SPTBN4: variants seen among roughly 807,000 people sequenced by gnomAD.
The protein encoded by SPTBN4 is spectrin beta, non-erythrocytic 4.
SPTBN4 carries 96 observed loss-of-function variants against 277.8 expected under a neutral mutation model. The observed-to-expected ratio is 0.35, with a 90% CI of 0.29 to 0.41. The LOEUF (loss-of-function observed/expected upper bound fraction) is 0.41, where lower values mean the gene tolerates loss of function less well. Among genes scored for constraint, SPTBN4 ranks in the 10% least tolerant of loss-of-function variants. SPTBN4 has a pLI of 1.00. For missense variants in SPTBN4, 3,006 were observed against 3,595.7 expected (o/e 0.84, Z 4.19); for synonymous variants, 1,481 against 1,580.3 (o/e 0.94, Z 1.49).
At chr19:40,544,073 T>C (rs947659765) in intron 20 of SPTBN4, among the ~76,000 whole-genome samples, 2 of 151,938 alleles carry the variant, frequency 1.3e-5, no homozygotes, top group African/African-American at 2.4e-5. Context: ...GCATGTGCAA[T>C]CCACTATAAA....
Position 40,570,591 on chromosome 19 carries a change from A to C in SPTBN4, c.7182A>C (p.Gly2394=), listed in dbSNP as rs2081145337. The change falls in exon 33 of 36, where the codon GGA becomes GGC. Residue 2394 remains glycine (G), a synonymous_variant. Coordinates refer to ENST00000598249, the MANE Select transcript of SPTBN4 (RefSeq NM_020971.3). ...PRPREGGEGG[G]SRRSRSAPAQ... ...CCAGAGAGGGTGGTGAGGGCGGGGG[A>C]AGCCGGCGCTCGCGCTCCGCCCCGG... 7.3e-7 allele frequency: 1 copy of C among 1,374,824 alleles called. No homozygotes were observed. The highest frequency in any genetic ancestry group is 1.5e-5 in the African/African-American group (1 of 65,302). The allele number at this position is 1,374,824 out of a possible 1,614,324, so 85.2% of individuals were successfully genotyped here.
At position 40,512,968 on chromosome 19, in the gene SPTBN4, G is replaced by A; in HGVS notation, c.2179G>A (p.Ala727Thr). ...QALRCGEELV[A>T]AGGAVGPGAD... is the part of the protein sequence containing the mutation. The stretch of plus-strand genomic sequence containing the variant: ...CCTGCGGTGTGGCGAGGAGCTGGTT[G>A]CGGCCGGCGGTGCCGTCGGCCCGGG... The change falls in exon 14 of 36, where the codon GCG becomes ACG. Residue 727 changes from alanine (A) to threonine (T), a missense_variant. Coordinates refer to ENST00000598249, the MANE Select transcript of SPTBN4 (RefSeq NM_020971.3). 1.4e-6 allele frequency: 2 copies of A among 1,412,456 alleles called. No homozygotes were observed. The highest frequency in any genetic ancestry group is 1.8e-6 in the Non-Finnish European group (2 of 1,093,326). 87.5% of individuals were successfully genotyped at this position (1,412,456 alleles called of 1,614,324 possible).
Position 40,567,918 on chromosome 19 carries a change from A to G in SPTBN4, c.6592A>G (p.Ile2198Val). 1 of 1,522,018 alleles carries G rather than the reference A, an allele frequency of 6.6e-7. No homozygotes were observed. Among genetic ancestry groups the G allele is most frequent in the South Asian group, 1.2e-5 (1 of 81,782 alleles). The allele number at this position is 1,522,018 out of a possible 1,614,324, so 94.3% of individuals were successfully genotyped here. Residue 2198 changes from isoleucine (I) to valine (V), a missense_variant, in exon 31 of 36, where the codon ATC becomes GTC. Ile to Val is a conservative substitution (Grantham distance 29, BLOSUM62 3). Transcript: ENST00000598249. ...LQPRIDRLPE[I>V]PGRVEPAALP... ...GCCGCGCATTGACCGGCTGCCGGAG[A>G]TCCCGGGGAGGGTGGAGCCCGCGGC...
At chr19:40,510,226 C>G (rs1456946782) in intron 13 of SPTBN4, among the ~76,000 whole-genome samples, 1 of 152,054 alleles carries the variant, frequency 6.6e-6, no homozygotes, top group East Asian at 1.9e-4. Flanking sequence ...GGACACTGGC[C>G]TCATAGGATG....
At chr19:40,536,857 C>T (rs545699847) in intron 20 of SPTBN4, among the ~76,000 whole-genome samples, 123 of 152,262 alleles carry the variant, frequency 8.1e-4, no homozygotes, top group Non-Finnish European at 1.5e-3. Context: ...GCAATCACGG[C>T]TCACTGCAGC....
intron 20 of SPTBN4, 71 bp downstream of exon 20, chr19:40,534,414 C>A: frequency 6.5e-7 from 1 of 1,531,052 alleles, no homozygotes; most frequent in Non-Finnish European, 8.8e-7. Context: ...CAACCCCACT[C>A]AAGGTATGTC....
intron 13 of SPTBN4, among the ~76,000 whole-genome samples, chr19:40,510,784 G>C (rs144205932): frequency 9.6e-4 from 146 of 152,248 alleles, no homozygotes; most frequent in African/African-American, 3.4e-3. Flanking sequence ...TACTTTGGGA[G>C]GCCAAGGTGG....
chr19:40,536,095 C>A (rs1392992653), intron 20 of SPTBN4, among the ~76,000 whole-genome samples: 1 of 152,106 alleles, frequency 6.6e-6, no homozygotes, highest in East Asian at 1.9e-4. Flanking sequence ...GTTGGGGGAA[C>A]AAGCAAAAGA....
At chr19:40,543,422 T>C (rs1303533961) in intron 20 of SPTBN4, among the ~76,000 whole-genome samples, 1 of 152,122 alleles carries the variant, frequency 6.6e-6, no homozygotes. Context: ...CCCATGACTC[T>C]CTAGGTTTCA....
chr19:40,549,396 G>C lies in SPTBN4; in HGVS notation c.4567G>C (p.Asp1523His), dbSNP rs1374000255. 7.8e-7 allele frequency: 1 copy of C among 1,276,438 alleles called. No homozygotes were observed. The highest frequency in any genetic ancestry group is 5.9e-5 in the East Asian group (1 of 16,998). 79.1% of individuals were successfully genotyped at this position (1,276,438 alleles called of 1,614,324 possible). The change falls in exon 21 of 36, where the codon GAC becomes CAC. Residue 1523 changes from aspartate (D) to histidine (H), a missense_variant. Physicochemically the swap from Asp to His is moderately conservative, Grantham distance 81. Around this residue, in one of 5 missense-constraint regions of SPTBN4, gnomAD observed 1,759 missense variants for 2,061.5 expected, o/e 0.85. Coordinates refer to ENST00000598249, the MANE Select transcript of SPTBN4 (RefSeq NM_020971.3). ...ASKELHQVAH[D>H]LDDELAWVQE... ...CAAGGAGTTGCACCAGGTGGCGCACGACCTGGACGACGAGCTGGTGAGGCC... is the reference window on the plus strand; with the variant it reads ...CAAGGAGTTGCACCAGGTGGCGCACCACCTGGACGACGAGCTGGTGAGGCC...
At chr19:40,498,707 T>G (rs1051284861) in intron 7 of SPTBN4, among the ~76,000 whole-genome samples, 1 of 150,986 alleles carries the variant, frequency 6.6e-6, no homozygotes, top group African/African-American at 2.4e-5. Flanking sequence ...CCCGGCCTAT[T>G]TATTTAATTT....
chr19:40,519,423 G>A lies in SPTBN4; in HGVS notation c.2926G>A (p.Val976Met). Reference sequence around the variant, plus strand: ...CAGGTGGAACCGCATCGTGGAGCTAGTGGAACAGCGCAAAGAGGAAATGAG... The same window carrying A: ...CAGGTGGAACCGCATCGTGGAGCTAATGGAACAGCGCAAAGAGGAAATGAG... Reference protein sequence around the residue: ...NSRWNRIVELVEQRKEEMSAV... With the variant: ...NSRWNRIVELMEQRKEEMSAV... The change falls in exon 16 of 36, where the codon GTG becomes ATG. Residue 976 changes from valine (V) to methionine (M), a missense_variant. Transcript: ENST00000598249. This position sits in a 1 kb window ranked among gnomAD's most constrained non-coding sequence, Gnocchi z 5.7. The A allele has an allele frequency of 6.3e-7, 1 of 1,587,074 alleles. No individual in the cohort carries two copies. Among genetic ancestry groups the A allele is most frequent in the Non-Finnish European group, 8.6e-7 (1 of 1,168,958 alleles).
chr19:40,552,451 G>A (rs866971146), intron 22 of SPTBN4, among the ~76,000 whole-genome samples: 11 of 105,662 alleles, frequency 1.0e-4, no homozygotes, highest in South Asian at 6.2e-4. Context: ...GCGAGACTCC[G>A]TCTCAAAAAA....
chr19:40,511,754 G>A (rs1363898204), intron 13 of SPTBN4, among the ~76,000 whole-genome samples: 3 of 151,878 alleles, frequency 2.0e-5, no homozygotes, highest in Non-Finnish European at 2.9e-5. Flanking sequence ...AAAAGAAAAA[G>A]GAGTGCAGAT....
intron 20 of SPTBN4, among the ~76,000 whole-genome samples, chr19:40,539,182 C>G (rs1305880152): frequency 6.6e-6 from 1 of 152,202 alleles, no homozygotes; most frequent in South Asian, 2.1e-4. Context: ...TAATTCTTCC[C>G]CAGCAGTGTT....
intron 18 of SPTBN4, chr19:40,530,383 C>A: frequency 2.0e-6 from 1 of 497,886 alleles, no homozygotes; most frequent in Non-Finnish European, 2.6e-6. Context: ...TCCTGCACCC[C>A]CACCTGGGGC....
rs71173645 is a variant in SPTBN4 at position 40,531,464 on chromosome 19, G to GTTTTTTTT, written c.3949-1133_3949-1126dup. Among the ~76,000 whole-genome samples, 33 of 40,930 alleles carry GTTTTTTTT rather than the reference G, an allele frequency of 8.1e-4. 7 individuals carry two copies. Among genetic ancestry groups the GTTTTTTTT allele is most frequent in the East Asian group, 4.2e-3 (3 of 712 alleles). 26.9% of individuals were successfully genotyped at this position (40,930 alleles called of 152,430 possible). On this transcript the variant is annotated intron_variant, in intron 18 of 35. Transcript: ENST00000598249. ...ACCGCGGAGCTGGAGTCCAGTGTTTGTTTTTTTTTTTTTTTTTTTTTTTTT... is the reference window on the plus strand; with the variant it reads ...ACCGCGGAGCTGGAGTCCAGTGTTTGTTTTTTTTTTTTTTTTTTTTTTTTTTTTTTTTT...
Position 40,570,515 on chromosome 19 carries a change from C to CGGACCGGCCCCGGGCGCG in SPTBN4, c.7117_7134dup (p.Arg2373_Pro2378dup), listed in dbSNP as rs745567610. 1.0e-5 allele frequency: 15 copies of CGGACCGGCCCCGGGCGCG among 1,506,092 alleles called. No homozygotes were observed. The highest frequency in any genetic ancestry group is 1.2e-5 in the South Asian group (1 of 81,014). 93.3% of individuals were successfully genotyped at this position (1,506,092 alleles called of 1,614,324 possible). On this transcript the variant is annotated inframe_insertion, in exon 33 of 36. Transcript: ENST00000598249. ...GAGCTGCCCGAGCGGACACCTCGGCCGGACCGGCCCCGGGCGCGGGACCGG... is the reference window on the plus strand; with the variant it reads ...GAGCTGCCCGAGCGGACACCTCGGCCGGACCGGCCCCGGGCGCGGGACCGGCCCCGGGCGCGGGACCGG...
At chr19:40,516,487 T>C (rs2080462276) in intron 15 of SPTBN4, among the ~76,000 whole-genome samples, 2 of 152,032 alleles carry the variant, frequency 1.3e-5, no homozygotes, top group South Asian at 4.2e-4. Context: ...AAATTTTTTT[T>C]GTAGAGACAG....
Sources: allele counts gnomAD v4.1 joint callset (sites outside exome capture counted in the v4.1 genomes callset), GRCh38; gene constraint gnomAD v4.1.1; regional missense constraint gnomAD v4.1.1; non-coding constraint Gnocchi (gnomAD v3.1); transcripts MANE v1.5; gene names NCBI Gene and HGNC (gene_info 2026-07-23, HGNC 2026-07-21).